SLC10A7: variants seen among roughly 807,000 people sequenced by gnomAD.
SLC10A7 encodes solute carrier family 10 member 7.
A neutral mutation model predicts 43.2 loss-of-function variants in SLC10A7; 29 were observed. That is an observed-to-expected ratio of 0.67 (90% CI 0.50 to 0.92). SLC10A7 has a LOEUF of 0.92. Among genes scored for constraint, SLC10A7 ranks in the 40% least tolerant of loss-of-function variants. The pLI, the probability that SLC10A7 is intolerant of heterozygous loss-of-function variation, is 0.00. For missense variants in SLC10A7, 295 were observed against 403.2 expected (o/e 0.73, Z 2.30); for synonymous variants, 152 against 144.8 (o/e 1.05, Z -0.35).
chr4:146,270,534 T>C (rs1420830682), intron 10 of SLC10A7, among the ~76,000 whole-genome samples: 2 of 152,242 alleles, frequency 1.3e-5, no homozygotes, highest in East Asian at 1.9e-4. Flanking sequence ...TTCTAAAAAC[T>C]ATGCTGCCTG....
At chr4:146,378,021 C>G (rs1361270822) in intron 5 of SLC10A7, among the ~76,000 whole-genome samples, 2 of 152,152 alleles carry the variant, frequency 1.3e-5, no homozygotes, top group African/African-American at 4.8e-5. Flanking sequence ...TTCACTGGCA[C>G]TACTCATGCT....
At position 146,433,711 on chromosome 4, in the gene SLC10A7, A is replaced by G. The variant is rs535328268; in HGVS notation, c.435+9072T>C. Among the ~76,000 whole-genome samples, 28 of 152,048 alleles carry G rather than the reference A, an allele frequency of 1.8e-4. 1 individual carries two copies. In the South Asian group the frequency reaches 5.4e-3, roughly 29 times the overall value. On this transcript the variant is annotated intron_variant, in intron 5 of 11. Transcript: ENST00000335472. ...CGAGATCCCATCTCTATAAAAATAA[A>G]AAAATTAGCCAGGCAAGGTGGTGCA...
chr4:146,431,956 C>T (rs4529074), intron 5 of SLC10A7, among the ~76,000 whole-genome samples: 1 of 152,044 alleles, frequency 6.6e-6, no homozygotes. Context: ...AGAAAACAAC[C>T]TAATAAATAA....
chr4:146,290,520 G>A (rs549736473), intron 9 of SLC10A7, among the ~76,000 whole-genome samples: 4 of 152,058 alleles, frequency 2.6e-5, no homozygotes, highest in Non-Finnish European at 4.4e-5. Context: ...ATATGCTGTC[G>A]TTTATCAAAG....
intron 5 of SLC10A7, among the ~76,000 whole-genome samples, chr4:146,436,898 G>T (rs1169972861): frequency 6.6e-6 from 1 of 152,038 alleles, no homozygotes; most frequent in Non-Finnish European, 1.5e-5. Flanking sequence ...TAGTGTTGAT[G>T]TAAAGTTTTG....
At chr4:146,519,066 CATATATATATATATATATATATATAT>C (rs869090267) in intron 1 of SLC10A7, among the ~76,000 whole-genome samples, 3 of 5,986 alleles carry the variant, frequency 5.0e-4, no homozygotes, top group Admixed American at 5.6e-3. Flanking sequence ...GAAAAATCAC[CATATATATATATATATATATATATAT>C]ATATATATAT....
chr4:146,516,510 A>AGTG (rs1738012894), intron 2 of SLC10A7, among the ~76,000 whole-genome samples: 1 of 149,986 alleles, frequency 6.7e-6, no homozygotes, highest in Non-Finnish European at 1.5e-5. Context: ...ATACACATAC[A>AGTG]TATATGTGTC....
At chr4:146,519,112 T>TATAAAA (rs1553991185) in intron 1 of SLC10A7, among the ~76,000 whole-genome samples, 2 of 15,972 alleles carry the variant, frequency 1.3e-4, no homozygotes, top group African/African-American at 2.9e-4. Flanking sequence ...TATATATATA[T>TATAAAA]AATATAATAT....
At chr4:146,457,111 T>G (rs1732131892) in intron 4 of SLC10A7, among the ~76,000 whole-genome samples, 2 of 152,104 alleles carry the variant, frequency 1.3e-5, no homozygotes, top group South Asian at 4.1e-4. Flanking sequence ...TGAGTGTGGC[T>G]GTGTTCCAAT....
chr4:146,434,714 C>T (rs868269658), intron 5 of SLC10A7, among the ~76,000 whole-genome samples: 3 of 152,104 alleles, frequency 2.0e-5, no homozygotes, highest in South Asian at 2.1e-4. Context: ...CAGGCATGTG[C>T]CACCATGCCT....
chr4:146,485,019 T>C (rs187573112), intron 4 of SLC10A7, among the ~76,000 whole-genome samples: 14 of 152,190 alleles, frequency 9.2e-5, no homozygotes, highest in African/African-American at 2.7e-4. Context: ...ACAAACTGTA[T>C]AGACCAATGT....
At chr4:146,307,149 G>A (rs576732988) in intron 6 of SLC10A7, among the ~76,000 whole-genome samples, 1 of 152,008 alleles carries the variant, frequency 6.6e-6, no homozygotes, top group African/African-American at 2.4e-5. Context: ...TCTCCACTCC[G>A]ACACATTGTA....
Position 146,258,713 on chromosome 4 carries a change from A to G in SLC10A7, c.972T>C (p.Ser324=), listed in dbSNP as rs188724270. Residue 324 remains serine (S), a synonymous_variant, in exon 11 of 12, where the codon TCT becomes TCC. Transcript: ENST00000335472. ...LGSVLVPTIK[S]WMVSRQKGVK... is the part of the protein sequence containing the mutation. ...TCACCTTCTGCCTTGATACCATCCA[A>G]GACTTGATTGTTGGCACCAACACAC... The G allele has an allele frequency of 3.1e-5, 49 of 1,602,132 alleles. No individual in the cohort carries two copies. In the South Asian group the frequency reaches 3.2e-4, roughly 10 times the overall value.
intron 4 of SLC10A7, among the ~76,000 whole-genome samples, chr4:146,497,834 T>C (rs971744427): frequency 9.2e-5 from 14 of 152,070 alleles, no homozygotes; most frequent in South Asian, 8.3e-4. Flanking sequence ...ATAGTTATTG[T>C]AAGGCAGAAG....
At chr4:146,305,197 T>C (rs1429804671) in intron 7 of SLC10A7, among the ~76,000 whole-genome samples, 1 of 150,454 alleles carries the variant, frequency 6.6e-6, no homozygotes, top group Non-Finnish European at 1.5e-5. Context: ...AATGATAGAC[T>C]GGATTAAGAA....
At chr4:146,470,133 G>C (rs1560939869) in intron 4 of SLC10A7, among the ~76,000 whole-genome samples, 2 of 152,118 alleles carry the variant, frequency 1.3e-5, no homozygotes, top group African/African-American at 2.4e-5. Context: ...TATTTGGTGG[G>C]AGAAGAAGGA....
chr4:146,493,970 T>C (rs914559907), intron 4 of SLC10A7, among the ~76,000 whole-genome samples: 2 of 152,224 alleles, frequency 1.3e-5, no homozygotes, highest in Non-Finnish European at 2.9e-5. Flanking sequence ...TTTGAATAAA[T>C]GAACGAAGTG....
chr4:146,495,236 C>T (rs1287068811), intron 4 of SLC10A7, among the ~76,000 whole-genome samples: 1 of 152,174 alleles, frequency 6.6e-6, no homozygotes, highest in African/African-American at 2.4e-5. Flanking sequence ...ACTAACCTTC[C>T]ACTACAAGCC....
Position 146,505,491 on chromosome 4 carries a change from G to A in SLC10A7, c.321-1567C>T, listed in dbSNP as rs1052935403. Among the ~76,000 whole-genome samples the A allele has an allele frequency of 3.9e-5, 6 of 152,192 alleles. No individual in the cohort carries two copies. The East Asian group carries it at 5.8e-4, about 15-fold the overall frequency. On this transcript the variant is annotated intron_variant, in intron 3 of 11. Transcript: ENST00000335472. ...CAAAAGTTATATGTGGATTTTCAAC[G>A]GCATGGGGGTTGGCACCTCTAAGCC...
Sources: gnomAD v4.1 joint callset for allele counts (sites outside exome capture counted in the v4.1 genomes callset) on GRCh38, gnomAD v4.1.1 for gene constraint, MANE v1.5 for transcripts, NCBI Gene and HGNC (gene_info 2026-07-23, HGNC 2026-07-21) for gene names.